The following NBAS variants were observed in gnomAD, a reference collection of about 807,000 sequenced individuals.
The protein encoded by NBAS is NAG/BC035112 fusion.
In NBAS, 219 loss-of-function variants were observed where a neutral mutation model predicts 302.5. That is an observed-to-expected ratio of 0.72 (90% CI 0.65 to 0.81). NBAS has a LOEUF of 0.81. NBAS is among the 30% of genes least tolerant of loss of function. NBAS has a pLI of 0.00. For synonymous variants in NBAS, 1,118 were observed against 1,021.6 expected (o/e 1.09, Z -1.80); for missense variants, 2,932 against 2,841.6 (o/e 1.03, Z -0.72).
At chr2:15,256,746 C>T (rs1668619257) in intron 44 of NBAS, among the ~76,000 whole-genome samples, 1 of 152,140 alleles carries the variant, frequency 6.6e-6, no homozygotes, top group African/African-American at 2.4e-5. Flanking sequence ...GCCAATTTTG[C>T]TGAGGGTTTT....
At chr2:14,936,026 T>C in the NBAS span, among the ~76,000 whole-genome samples, 3 of 152,168 alleles carry the variant, frequency 2.0e-5, no homozygotes, top group African/African-American at 7.2e-5. Flanking sequence ...ATGGATGCAG[T>C]CTCTCACCTA....
At chr2:15,075,944 AAC>A in the NBAS span, among the ~76,000 whole-genome samples, 2 of 152,258 alleles carry the variant, frequency 1.3e-5, no homozygotes, top group Admixed American at 1.3e-4. Context: ...AAACAAAATG[AAC>A]ACGTTTTTAC....
At chr2:15,247,639 G>A (rs928533598) in intron 44 of NBAS, among the ~76,000 whole-genome samples, 1 of 151,642 alleles carries the variant, frequency 6.6e-6, no homozygotes, top group Admixed American at 6.6e-5. Flanking sequence ...TAATGGTAAA[G>A]GGATCAATGC....
At chr2:15,153,382 T>C in the NBAS span, among the ~76,000 whole-genome samples, 14 of 152,214 alleles carry the variant, frequency 9.2e-5, no homozygotes, top group Non-Finnish European at 1.6e-4. Flanking sequence ...TGTGGAAGAA[T>C]AGATATATTC....
chr2:14,978,295 AT>A, the NBAS span, among the ~76,000 whole-genome samples: 1 of 152,324 alleles, frequency 6.6e-6, no homozygotes, highest in Non-Finnish European at 1.5e-5. Context: ...TATTACTTGC[AT>A]TAAAGCTCAT....
At chr2:14,926,096 C>T in the NBAS span, among the ~76,000 whole-genome samples, 3 of 152,106 alleles carry the variant, frequency 2.0e-5, no homozygotes, top group Middle Eastern at 3.2e-3. Flanking sequence ...CTTAAGAATC[C>T]TCCAGGATTG....
At chr2:15,247,285 C>T (rs1421186774) in intron 44 of NBAS, among the ~76,000 whole-genome samples, 5 of 152,244 alleles carry the variant, frequency 3.3e-5, no homozygotes, top group South Asian at 4.1e-4. Flanking sequence ...CAGAAACACA[C>T]CAAATTGTAA....
At chr2:15,451,618 G>A (rs186935514) in intron 21 of NBAS, among the ~76,000 whole-genome samples, 1 of 152,004 alleles carries the variant, frequency 6.6e-6, no homozygotes, top group African/African-American at 2.4e-5. Flanking sequence ...AATCAAATTT[G>A]TTCTACTGGA....
At position 15,468,490 on chromosome 2, in the gene NBAS, T is replaced by C; in HGVS notation, c.1769A>G (p.Glu590Gly). 6.2e-7 allele frequency: 1 copy of C among 1,614,102 alleles called. No homozygotes were observed. The highest frequency in any genetic ancestry group is 8.5e-7 in the Non-Finnish European group (1 of 1,179,982). ...KRSWVLHECL[E>G]RVPENVDAAK... ...AGCATCCACATTTTCAGGAACTCTT[T>C]CCAAACACTCATGGAGAACCCAGGA... The change falls in exon 17 of 52, where the codon GAA (glutamate) becomes GGA (glycine). Residue 590 changes from glutamate (E) to glycine (G), a missense_variant. Transcript: ENST00000281513.
chr2:15,196,804 GT>G (rs1156438686), intron 48 of NBAS, among the ~76,000 whole-genome samples: 1 of 151,430 alleles, frequency 6.6e-6, no homozygotes, highest in Non-Finnish European at 1.5e-5. Flanking sequence ...AACATGCATT[GT>G]TTTCATAATT....
At chr2:15,181,512 A>G (rs1005703501) in intron 50 of NBAS, among the ~76,000 whole-genome samples, 9 of 152,214 alleles carry the variant, frequency 5.9e-5, no homozygotes, top group Non-Finnish European at 1.0e-4. Flanking sequence ...GAGATTTACA[A>G]AGGGATTTGG....
At chr2:15,352,406 G>T (rs1179083333) in intron 34 of NBAS, among the ~76,000 whole-genome samples, 1 of 152,180 alleles carries the variant, frequency 6.6e-6, no homozygotes, top group East Asian at 1.9e-4. Flanking sequence ...CAGAAAAAGA[G>T]ACCGAGGCGA....
the NBAS span, among the ~76,000 whole-genome samples, chr2:14,877,306 T>A: frequency 6.6e-6 from 1 of 152,184 alleles, no homozygotes; most frequent in African/African-American, 2.4e-5. Context: ...GTCAATTAAC[T>A]CTCTTTACAT....
At chr2:15,017,089 A>G in the NBAS span, among the ~76,000 whole-genome samples, 36 of 152,032 alleles carry the variant, frequency 2.4e-4, no homozygotes, top group African/African-American at 8.2e-4. Context: ...AACAAATAAT[A>G]CTGGGAAAAC....
chr2:15,232,373 C>G (rs1300409791), intron 47 of NBAS, 49 bp downstream of exon 47: 1 of 1,551,578 alleles, frequency 6.4e-7, no homozygotes, highest in Non-Finnish European at 8.9e-7. Flanking sequence ...AATTCTAATA[C>G]TCTGAGGAAA....
At chr2:15,468,035 A>T (rs1420350824) in intron 17 of NBAS, among the ~76,000 whole-genome samples, 1 of 152,214 alleles carries the variant, frequency 6.6e-6, no homozygotes, top group Non-Finnish European at 1.5e-5. Context: ...AGAAAATGAA[A>T]ACTATTTAGG....
chr2:15,074,420 G>GGGAA, the NBAS span, among the ~76,000 whole-genome samples: 3 of 147,818 alleles, frequency 2.0e-5, no homozygotes, highest in Admixed American at 6.8e-5. Flanking sequence ...GAAAGAAGGA[G>GGGAA]GGAAGGAAGG....
chr2:14,840,483 A>T, the NBAS span, among the ~76,000 whole-genome samples: 1 of 152,106 alleles, frequency 6.6e-6, no homozygotes, highest in Admixed American at 6.6e-5. Context: ...TAAGAAAATA[A>T]AACTTTCTGA....
chr2:15,123,351 C>T, the NBAS span, among the ~76,000 whole-genome samples: 1 of 152,122 alleles, frequency 6.6e-6, no homozygotes, highest in South Asian at 2.1e-4. Flanking sequence ...CGGAGCTCGT[C>T]ATAGGTTGGG....
Sources: allele counts gnomAD v4.1 joint callset (sites outside exome capture counted in the v4.1 genomes callset), GRCh38; gene constraint gnomAD v4.1.1; transcripts MANE v1.5; gene names NCBI Gene and HGNC (gene_info 2026-07-23, HGNC 2026-07-21).